Variants in FCHSD2 observed in about 807,000 individuals in gnomAD.
The protein encoded by FCHSD2 is FCH and double SH3 domains 2.
FCHSD2 carries 38 observed loss-of-function variants against 108.1 expected under a neutral mutation model. The ratio of observed to expected loss-of-function variants is 0.35; its 90% CI spans 0.27 to 0.46. The LOEUF (loss-of-function observed/expected upper bound fraction) is 0.46, where lower values mean the gene tolerates loss of function less well. Among genes scored for constraint, FCHSD2 ranks in the 20% least tolerant of loss-of-function variants. FCHSD2 has a pLI of 1.00. For missense variants in FCHSD2, 751 were observed against 897.8 expected, an observed-to-expected ratio of 0.84 and a Z score of 2.09; for synonymous variants, 279 against 314.7, an observed-to-expected ratio of 0.89 and a Z score of 1.20.
chr11:72,930,595 A>T lies in FCHSD2; in HGVS notation c.706-8645T>A, dbSNP rs558578718. ...CCCCGTCTCTACCAAAAATACAAAA[A>T]TTAGCTGGGCGTGGTGGTGCCCATC... is the stretch of plus-strand genomic sequence containing the variant. On this transcript the variant is annotated intron_variant, in intron 8 of 19. Coordinates refer to ENST00000409418, the MANE Select transcript of FCHSD2 (RefSeq NM_014824.3). 7.9e-4 allele frequency among the ~76,000 whole-genome samples: 120 copies of T among 152,240 alleles called. 1 individual carries two copies. The highest frequency in any genetic ancestry group is 2.9e-3 in the African/African-American group (119 of 41,542).
In FCHSD2 at chr11:73,112,553, T is replaced by C. The variant is rs190293960; in HGVS notation, c.119+27478A>G. Among the ~76,000 whole-genome samples, 7 of 152,326 alleles carry C rather than the reference T, an allele frequency of 4.6e-5. No homozygotes were observed. The East Asian group carries it at 1.3e-3, about 29-fold the overall frequency. On this transcript the variant is annotated intron_variant, in intron 2 of 19. Transcript: ENST00000409418. The stretch of plus-strand genomic sequence containing the variant: ...CTTTCCCTAGGTTTGGGAAGTTCTC[T>C]GTTGTTATCCCCGTGAATAAACTTT...
intron 2 of FCHSD2, among the ~76,000 whole-genome samples, chr11:73,137,160 AGAG>A (rs1303375542): frequency 2.0e-5 from 3 of 152,194 alleles, no homozygotes; most frequent in African/African-American, 7.2e-5. Context: ...ATGAATACCA[AGAG>A]GAGGCAAGTT....
At chr11:72,975,337 G>A (rs1379018833) in intron 8 of FCHSD2, among the ~76,000 whole-genome samples, 1 of 152,118 alleles carries the variant, frequency 6.6e-6, no homozygotes, top group Non-Finnish European at 1.5e-5. Flanking sequence ...GAGTAGATTG[G>A]TGGTTACCAG....
rs986553398 is a variant in FCHSD2 at position 72,926,897 on chromosome 11, G to A, written c.706-4947C>T. On this transcript the variant is annotated intron_variant, in intron 8 of 19. Coordinates refer to ENST00000409418, the MANE Select transcript of FCHSD2 (RefSeq NM_014824.3). Reference sequence around the variant, plus strand: ...GAAGAATGTCAGCCAGAATTATACAGATGTGCATTATTTAACATAAAAGAG... The same window carrying A: ...GAAGAATGTCAGCCAGAATTATACAAATGTGCATTATTTAACATAAAAGAG... 2.6e-5 allele frequency among the ~76,000 whole-genome samples: 4 copies of A among 152,164 alleles called. No homozygotes were observed. The South Asian group carries it at 8.3e-4, about 32-fold the overall frequency.
rs11826158 is a variant in FCHSD2, at chr11:73,002,407, G to A, written c.243-1273C>T. ...AGCATAAAAGCACTGATGAAGTTAA[G>A]AGCAGCAAAACGAATGCTCTCCATG... On this transcript the variant is annotated intron_variant, in intron 4 of 19. Transcript: ENST00000409418. Among the ~76,000 whole-genome samples the A allele has an allele frequency of 6.5e-3, 997 of 152,238 alleles. 8 individuals are homozygous for A. Among genetic ancestry groups the A allele is most frequent in the African/African-American group, 0.023 (945 of 41,548 alleles).
intron 8 of FCHSD2, among the ~76,000 whole-genome samples, chr11:72,963,762 T>G (rs1335972598): frequency 6.6e-6 from 1 of 152,148 alleles, no homozygotes; most frequent in Non-Finnish European, 1.5e-5. Flanking sequence ...ATAATCTAAT[T>G]CTGCTGCCCA....
At chr11:73,122,064 A>G (rs1306514898) in intron 2 of FCHSD2, among the ~76,000 whole-genome samples, 2 of 152,194 alleles carry the variant, frequency 1.3e-5, no homozygotes, top group Non-Finnish European at 2.9e-5. Context: ...CAATATAGAC[A>G]AACATAAAGC....
chr11:72,977,183 A>G (rs1211086496), intron 8 of FCHSD2, among the ~76,000 whole-genome samples: 2 of 152,266 alleles, frequency 1.3e-5, no homozygotes, highest in East Asian at 3.9e-4. Flanking sequence ...TGGCCTCCCA[A>G]AGCGCTGGGA....
chr11:73,051,896 CA>C (rs1858908285), intron 3 of FCHSD2, among the ~76,000 whole-genome samples: 1 of 151,064 alleles, frequency 6.6e-6, no homozygotes. Context: ...CACACACACA[CA>C]CACACACACA....
chr11:73,048,012 T>C (rs1311929253), intron 3 of FCHSD2, among the ~76,000 whole-genome samples: 1 of 152,118 alleles, frequency 6.6e-6, no homozygotes, highest in Non-Finnish European at 1.5e-5. Context: ...TATTCTATAT[T>C]GTTTCTTTAA....
At chr11:72,874,471 C>T (rs990895088) in intron 12 of FCHSD2, among the ~76,000 whole-genome samples, 5 of 152,072 alleles carry the variant, frequency 3.3e-5, no homozygotes, top group African/African-American at 1.2e-4. Context: ...ATTACAGGTG[C>T]GAGCCACTGT....
At chr11:73,015,765 G>T in intron 4 of FCHSD2, 44 bp downstream of exon 4, 1 of 1,247,738 alleles carries the variant, frequency 8.0e-7, no homozygotes, top group Non-Finnish European at 1.2e-6. Flanking sequence ...ATAGCTTTAA[G>T]TAAAACCGTT....
At chr11:73,071,862 A>T (rs1012330476) in intron 3 of FCHSD2, among the ~76,000 whole-genome samples, 1 of 152,192 alleles carries the variant, frequency 6.6e-6, no homozygotes, top group African/African-American at 2.4e-5. Context: ...AAATGAGTTA[A>T]TCTATGTAAA....
At chr11:73,047,549 G>A (rs1858798158) in intron 3 of FCHSD2, among the ~76,000 whole-genome samples, 1 of 152,062 alleles carries the variant, frequency 6.6e-6, no homozygotes, top group Non-Finnish European at 1.5e-5. Context: ...CACTGCCAAG[G>A]ATAATGCAAA....
At chr11:72,870,560 G>T (rs1343973028) in intron 12 of FCHSD2, among the ~76,000 whole-genome samples, 1 of 151,886 alleles carries the variant, frequency 6.6e-6, no homozygotes, top group African/African-American at 2.4e-5. Context: ...TAATATAAAA[G>T]AACTTCTCTC....
intron 2 of FCHSD2, among the ~76,000 whole-genome samples, chr11:73,105,514 T>C (rs905424942): frequency 6.6e-6 from 1 of 152,178 alleles, no homozygotes; most frequent in Admixed American, 6.5e-5. Flanking sequence ...AATCATAAGA[T>C]CTAAATCTTT....
At chr11:73,121,201 G>A (rs1397916988) in intron 2 of FCHSD2, among the ~76,000 whole-genome samples, 4 of 150,954 alleles carry the variant, frequency 2.6e-5, no homozygotes, top group South Asian at 2.1e-4. Flanking sequence ...ACGCATGCAC[G>A]CACACACACA....
chr11:72,965,519 T>C (rs1439895208), intron 8 of FCHSD2, among the ~76,000 whole-genome samples: 1 of 152,260 alleles, frequency 6.6e-6, no homozygotes, highest in African/African-American at 2.4e-5. Context: ...ATTACATTTG[T>C]ACATACTGCC....
intron 12 of FCHSD2, among the ~76,000 whole-genome samples, chr11:72,876,295 G>C (rs1364083946): frequency 6.6e-6 from 1 of 152,194 alleles, no homozygotes; most frequent in Non-Finnish European, 1.5e-5. Flanking sequence ...CTGCAGTCCA[G>C]CCTGCGAGAC....
Sources: allele counts gnomAD v4.1 joint callset (sites outside exome capture counted in the v4.1 genomes callset), GRCh38; gene constraint gnomAD v4.1.1; transcripts MANE v1.5; gene names NCBI Gene and HGNC (gene_info 2026-07-23, HGNC 2026-07-21).